BTNL9: variants seen among roughly 807,000 people sequenced by gnomAD.
The protein encoded by BTNL9 is butyrophilin like 9, also known as butyrophilin-like protein 9.
A neutral mutation model predicts 45.8 loss-of-function variants in BTNL9; 45 were observed. That is an observed-to-expected ratio of 0.98 (90% CI 0.77 to 1.26). The LOEUF (loss-of-function observed/expected upper bound fraction) is 1.26, where lower values mean the gene tolerates loss of function less well. BTNL9 is among the 50% of genes most tolerant of loss of function. The probability of loss-of-function intolerance (pLI) is 0.00; values close to 1 mark genes in which losing one functional copy is unlikely to be tolerated. For missense variants in BTNL9, 784 were observed against 729.7 expected, an observed-to-expected ratio of 1.07 and a Z score of -0.86; for synonymous variants, 346 against 330.8, an observed-to-expected ratio of 1.05 and a Z score of -0.50.
At position 181,050,175 on chromosome 5, in the gene BTNL9, A is replaced by G. The variant is rs1761457165; in HGVS notation, c.542A>G (p.Lys181Arg). 1 of 1,613,926 alleles carries G rather than the reference A, an allele frequency of 6.2e-7. No homozygotes were observed. Among genetic ancestry groups the G allele is most frequent in the Non-Finnish European group, 8.5e-7 (1 of 1,180,028 alleles). The part of the protein sequence containing the change: ...LRLRSSGWYP[K>R]PKVQWRDHQG... ...CTCAGATCCAGTGGCTGGTACCCCA[A>G]GCCTAAGGTTCAGTGGAGAGACCAC... is the stretch of plus-strand genomic sequence containing the variant. The change falls in exon 4 of 11, where the codon AAG (lysine) becomes AGG (arginine). Residue 181 changes from lysine (K) to arginine (R), a missense_variant. Lys to Arg is a conservative substitution (Grantham distance 26). Transcript: ENST00000327705. This position sits in a 1 kb window ranked among gnomAD's most constrained non-coding sequence, Gnocchi z 4.9.
At chr5:181,058,545 T>C (rs2277936) in intron 10 of BTNL9, among the ~76,000 whole-genome samples, 167 bp downstream of exon 10, 2 of 152,116 alleles carry the variant, frequency 1.3e-5, no homozygotes, top group Non-Finnish European at 2.9e-5. Flanking sequence ...ACGACACATA[T>C]GCCTGCATGT....
intron 2 of BTNL9, among the ~76,000 whole-genome samples, chr5:181,046,968 T>C (rs1424772899): frequency 6.6e-6 from 1 of 152,140 alleles, no homozygotes. Context: ...GGAAGGGTAT[T>C]GGATACTCAC....
At chr5:181,041,397 A>G (rs1331043577) in intron 1 of BTNL9, among the ~76,000 whole-genome samples, 1 of 152,240 alleles carries the variant, frequency 6.6e-6, no homozygotes, top group Non-Finnish European at 1.5e-5. Flanking sequence ...AGTAAGAGTG[A>G]GAGATTGTGA....
chr5:181,045,235 T>G (rs1761032169), intron 1 of BTNL9, among the ~76,000 whole-genome samples: 1 of 152,290 alleles, frequency 6.6e-6, no homozygotes, highest in Admixed American at 6.5e-5. Flanking sequence ...CTCGTCCCCT[T>G]GCAGCTCTGT....
intron 4 of BTNL9, among the ~76,000 whole-genome samples, chr5:181,052,482 A>T (rs1270395939): frequency 2.6e-5 from 4 of 152,240 alleles, no homozygotes; most frequent in Non-Finnish European, 4.4e-5. Context: ...AAAGGTTGTT[A>T]CGTATATTTT....
Position 181,053,994 on chromosome 5 carries a change from T to G in BTNL9, c.887-245T>G, listed in dbSNP as rs1174807907. The G allele has an allele frequency of 2.0e-6, 3 of 1,536,242 alleles. No individual in the cohort carries two copies. Among genetic ancestry groups the G allele is most frequent in the Non-Finnish European group, 2.6e-6 (3 of 1,145,026 alleles). On this transcript the variant is annotated intron_variant, in intron 6 of 10. Coordinates refer to ENST00000327705, the MANE Select transcript of BTNL9 (RefSeq NM_152547.5). The surrounding 1 kb of genome is among the most constrained non-coding windows in gnomAD (Gnocchi z 6.5). ...ATTTGGGAGGCTCCGACCCTGATTT[T>G]CACACTAGCAGGAGGGAGGGCGCTG... is the stretch of plus-strand genomic sequence containing the variant.
chr5:181,045,644 T>A (rs1376917474), intron 2 of BTNL9, 46 bp downstream of exon 2: 3 of 1,451,890 alleles, frequency 2.1e-6, no homozygotes, highest in East Asian at 4.5e-5. Context: ...ACGCCACCCC[T>A]CCTGCCAGGT....
intron 9 of BTNL9, among the ~76,000 whole-genome samples, chr5:181,057,357 G>A (rs1173381546): frequency 6.6e-6 from 1 of 151,990 alleles, no homozygotes; most frequent in Non-Finnish European, 1.5e-5. Flanking sequence ...GAGGTGTTGG[G>A]TGAGAATCCT....
At position 181,055,768 on chromosome 5, in the gene BTNL9, C is replaced by CA. The variant is rs373803332; in HGVS notation, c.929-210dup. ...TGGGCGACAGAGCGAGACTCTGTCT[C>CA]AAAAAAAAAAAGAACTATTTCTCCT... On this transcript the variant is annotated intron_variant, in intron 8 of 10. Transcript: ENST00000327705. This position sits in a 1 kb window ranked among gnomAD's most constrained non-coding sequence, Gnocchi z 4.4. 17,380 of 475,942 alleles carry CA rather than the reference C, an allele frequency of 0.037. 47 individuals are homozygous for CA. Among genetic ancestry groups the CA allele is most frequent in the African/African-American group, 0.059 (2,894 of 48,996 alleles). The allele number at this position is 475,942 out of a possible 1,614,324, so 29.5% of individuals were successfully genotyped here.
In BTNL9 at chr5:181,060,769, ATTAAAT is replaced by A. The variant is rs1211090102; in HGVS notation, c.*912_*917del. 6.6e-6 allele frequency: 1 copy of A among 152,168 alleles called. No individual in the cohort carries two copies. The highest frequency in any genetic ancestry group is 2.4e-5 in the African/African-American group (1 of 41,424). 9.4% of individuals were successfully genotyped at this position (152,168 alleles called of 1,614,324 possible). ...AGACATCTACCAGATCATCCAAGTG[ATTAAAT>A]TTAACATCATCAATGATGGGACCAA... On this transcript the variant is annotated 3_prime_UTR_variant, in exon 11 of 11. Coordinates refer to ENST00000327705, the MANE Select transcript of BTNL9 (RefSeq NM_152547.5).
intron 10 of BTNL9, 69 bp from the exon 11 acceptor site, chr5:181,059,168 C>G: frequency 7.1e-7 from 1 of 1,412,278 alleles, no homozygotes; most frequent in Non-Finnish European, 9.2e-7. Context: ...GAGGTTTGTC[C>G]GCCTTGGGGA....
At chr5:181,048,355 A>C in intron 3 of BTNL9, 84 bp downstream of exon 3, 1 of 1,256,474 alleles carries the variant, frequency 8.0e-7, no homozygotes, top group Non-Finnish European at 1.1e-6. Context: ...AGAGAACAGA[A>C]GAATGTCGGT....
At chr5:181,041,003 C>T (rs1760750560) in intron 1 of BTNL9, among the ~76,000 whole-genome samples, 1 of 152,210 alleles carries the variant, frequency 6.6e-6, no homozygotes, top group Non-Finnish European at 1.5e-5. Context: ...AGAAGTTTTC[C>T]ACTCTGGGAC....
At position 181,053,667 on chromosome 5, in the gene BTNL9, C is replaced by A; in HGVS notation, c.886+166C>A. 6.5e-7 allele frequency: 1 copy of A among 1,528,246 alleles called. No individual in the cohort carries two copies. Among genetic ancestry groups the A allele is most frequent in the South Asian group, 1.2e-5 (1 of 80,508 alleles). 94.7% of individuals were successfully genotyped at this position (1,528,246 alleles called of 1,614,324 possible). ...CCGGTGGGGAAGGGGGAAGATCGTT[C>A]ATATGGACAAAAGCGGAGGTGCGGA... On this transcript the variant is annotated intron_variant, in intron 6 of 10. Coordinates refer to ENST00000327705, the MANE Select transcript of BTNL9 (RefSeq NM_152547.5). The surrounding 1 kb of genome is among the most constrained non-coding windows in gnomAD (Gnocchi z 6.5).
chr5:181,045,641 C>G (rs755563388), intron 2 of BTNL9, 43 bp downstream of exon 2: 1 of 1,486,464 alleles, frequency 6.7e-7, no homozygotes, highest in African/African-American at 1.4e-5. Context: ...TGAACGCCAC[C>G]CCTCCTGCCA....
intron 4 of BTNL9, among the ~76,000 whole-genome samples, chr5:181,052,044 C>G (rs1291104697): frequency 6.6e-6 from 1 of 151,922 alleles, no homozygotes; most frequent in Non-Finnish European, 1.5e-5. Context: ...GGTCACAGGT[C>G]AGAGAGACAG....
rs913732082 is a variant in BTNL9, at chr5:181,055,552, G to A, written c.928+99G>A. ...TGGGAGGCCGAGGCGGGTGGATCAC[G>A]AGGTCAGGAGATCGAGACCAGCCTG... is the stretch of plus-strand genomic sequence containing the variant. On this transcript the variant is annotated intron_variant, in intron 8 of 10. Coordinates refer to ENST00000327705, the MANE Select transcript of BTNL9 (RefSeq NM_152547.5). The surrounding 1 kb of genome is among the most constrained non-coding windows in gnomAD (Gnocchi z 4.4). 8.1e-5 allele frequency: 110 copies of A among 1,352,224 alleles called. No homozygotes were observed. The highest frequency in any genetic ancestry group is 1.1e-4 in the Non-Finnish European group (104 of 947,538). The allele number at this position is 1,352,224 out of a possible 1,614,324, so 83.8% of individuals were successfully genotyped here. A position where few individuals can be genotyped will look rare whatever the true frequency, so the allele number is the denominator to read the frequency against.
chr5:181,045,994 C>T (rs1296056999), intron 2 of BTNL9, among the ~76,000 whole-genome samples: 2 of 135,012 alleles, frequency 1.5e-5, no homozygotes, highest in South Asian at 2.5e-4. Flanking sequence ...ACCTCCTCCA[C>T]CATCTCCCCA....
intron 1 of BTNL9, chr5:181,043,382 C>T (rs538794737): frequency 1.6e-4 from 25 of 152,288 alleles, no homozygotes; most frequent in African/African-American, 4.8e-4. Context: ...GAACTGAGGT[C>T]CCTCTAGCAC....
Sources: gnomAD v4.1 joint callset for allele counts (sites outside exome capture counted in the v4.1 genomes callset) on GRCh38, gnomAD v4.1.1 for gene constraint, Gnocchi (gnomAD v3.1) non-coding constraint, MANE v1.5 for transcripts, NCBI Gene and HGNC (gene_info 2026-07-23, HGNC 2026-07-21) for gene names.